NALCN: variants seen among roughly 807,000 people sequenced by gnomAD.
NALCN encodes the protein sodium leak channel, non-selective, also known as sodium leak channel NALCN.
NALCN carries 111 observed loss-of-function variants against 225.3 expected under a neutral mutation model. That is an observed-to-expected ratio of 0.49 (90% CI 0.42 to 0.58). The LOEUF (loss-of-function observed/expected upper bound fraction) is 0.58, where lower values mean the gene tolerates loss of function less well. NALCN is among the 20% of genes least tolerant of loss of function. The pLI, the probability that NALCN is intolerant of heterozygous loss-of-function variation, is 0.00. For synonymous variants in NALCN, 764 were observed against 769.0 expected, an observed-to-expected ratio of 0.99 and a Z score of 0.11; for missense variants, 1,378 against 2,202.4, an observed-to-expected ratio of 0.63 and a Z score of 7.49.
intron 17 of NALCN, among the ~76,000 whole-genome samples, chr13:101,142,510 G>C (rs959313667): frequency 3.3e-5 from 5 of 151,910 alleles, no homozygotes; most frequent in Admixed American, 2.0e-4. Flanking sequence ...ACCTAAATTT[G>C]CTTTATTTAT....
intron 1 of NALCN, among the ~76,000 whole-genome samples, chr13:101,414,389 T>A (rs1000131367): frequency 2.0e-5 from 3 of 152,190 alleles, no homozygotes; most frequent in Non-Finnish European, 4.4e-5. Context: ...GAGGTGTAGA[T>A]GTGAATTTTC....
chr13:101,276,730 A>G (rs1373541425), intron 10 of NALCN, among the ~76,000 whole-genome samples: 1 of 152,176 alleles, frequency 6.6e-6, no homozygotes, highest in Non-Finnish European at 1.5e-5. Context: ...TTTTTTCTGT[A>G]GAAGAGTAAG....
intron 15 of NALCN, among the ~76,000 whole-genome samples, chr13:101,162,768 A>C (rs1013282474): frequency 6.6e-6 from 1 of 152,332 alleles, no homozygotes; most frequent in South Asian, 2.1e-4. Flanking sequence ...CTTCTTAACA[A>C]TTTTGTTCTC....
chr13:101,318,810 G>A (rs2044645479), intron 7 of NALCN, among the ~76,000 whole-genome samples: 1 of 152,108 alleles, frequency 6.6e-6, no homozygotes, highest in African/African-American at 2.4e-5. Flanking sequence ...TAAGCATGAT[G>A]TATTTTTAGA....
chr13:101,094,143 G>C (rs1290772134), intron 28 of NALCN, among the ~76,000 whole-genome samples: 3 of 152,152 alleles, frequency 2.0e-5, no homozygotes, highest in Admixed American at 6.5e-5. Context: ...CCTTTGGAGG[G>C]GGGTACCCTT....
At chr13:101,118,601 A>G (rs2035826802) in intron 18 of NALCN, among the ~76,000 whole-genome samples, 1 of 152,152 alleles carries the variant, frequency 6.6e-6, no homozygotes, top group Non-Finnish European at 1.5e-5. Flanking sequence ...CTTTCAACTA[A>G]CTTATCAGAG....
At chr13:101,286,971 GT>G (rs779825406) in intron 9 of NALCN, among the ~76,000 whole-genome samples, 8 of 151,688 alleles carry the variant, frequency 5.3e-5, no homozygotes, top group Non-Finnish European at 8.8e-5. Flanking sequence ...CATCAATAAA[GT>G]TCAATTCTTA....
At chr13:101,237,137 T>G (rs1361479416) in intron 12 of NALCN, among the ~76,000 whole-genome samples, 1 of 151,856 alleles carries the variant, frequency 6.6e-6, no homozygotes, top group Non-Finnish European at 1.5e-5. Context: ...ATAATTACTG[T>G]TTATTGCATA....
rs9518313 is a variant in NALCN at position 101,124,694 on chromosome 13, A to G, written c.2119-13T>C. ...CAGACTTGCGAAGCTGAAAATGATA[A>G]GAGTATGACTTTTAGTTTTGGAATG... On this transcript the variant is annotated splice_polypyrimidine_tract_variant and intron_variant, in intron 17 of 43. Coordinates refer to ENST00000251127, the MANE Select transcript of NALCN (RefSeq NM_052867.4). The G allele has an allele frequency of 2.5e-3, 4,099 of 1,610,674 alleles. 10 individuals are homozygous for G. Among genetic ancestry groups the G allele is most frequent in the Non-Finnish European group, 3.0e-3 (3,505 of 1,178,132 alleles).
At chr13:101,259,732 G>GTATATATATATATATATATA (rs35199456) in intron 10 of NALCN, among the ~76,000 whole-genome samples, 117 of 119,364 alleles carry the variant, frequency 9.8e-4, no homozygotes, top group East Asian at 2.6e-3. Context: ...CATAGTAAGT[G>GTATATATATATATATATATA]TATATATATA....
At chr13:101,114,477 C>T (rs1193883773) in intron 18 of NALCN, among the ~76,000 whole-genome samples, 3 of 151,824 alleles carry the variant, frequency 2.0e-5, no homozygotes, top group African/African-American at 7.3e-5. Flanking sequence ...TCCCATCTTG[C>T]TTGCTTGCCC....
At position 101,100,834 on chromosome 13, in the gene NALCN, G is replaced by T. The variant is rs771741587; in HGVS notation, c.3112C>A (p.Leu1038Ile). 2 of 1,612,152 alleles carry T rather than the reference G, an allele frequency of 1.2e-6. No homozygotes were observed. Among genetic ancestry groups the T allele is most frequent in the Non-Finnish European group, 8.5e-7 (1 of 1,179,038 alleles). Residue 1038 changes from leucine (L) to isoleucine (I), a missense_variant, in exon 27 of 44, where the codon CTT (leucine) becomes ATT (isoleucine). By Grantham distance (5) the Leu-to-Ile change is conservative. Coordinates refer to ENST00000251127, the MANE Select transcript of NALCN (RefSeq NM_052867.4). Reference protein sequence around the residue: ...MLVFASFGVQLFAGKLAKCND... With the variant: ...MLVFASFGVQIFAGKLAKCND... ...CACTTGGCCAGTTTTCCAGCAAAAA[G>T]CTGAACTCCAAAGCTTGCAAAAACG...
rs2045767253 is a variant in NALCN, at chr13:101,347,163, A to ACACC, written c.645-1747_645-1744dup. The stretch of plus-strand genomic sequence containing the variant: ...TTTACACACACACACACACACACAC[A>ACACC]CACCCCATGGCTGGTGATACTTTGC... On this transcript the variant is annotated intron_variant, in intron 6 of 43. Transcript: ENST00000251127. Among the ~76,000 whole-genome samples the ACACC allele has an allele frequency of 7.2e-5, 11 of 151,770 alleles. No homozygotes were observed. The South Asian group carries it at 2.3e-3, about 32-fold the overall frequency.
At position 101,342,143 on chromosome 13, in the gene NALCN, GGTGT is replaced by G. The variant is rs903554291; in HGVS notation, c.799+3119_799+3122del. 3.2e-4 allele frequency among the ~76,000 whole-genome samples: 49 copies of G among 152,082 alleles called. 1 individual carries two copies. The highest frequency in any genetic ancestry group is 1.2e-3 in the African/African-American group (48 of 41,388). ...TGGAATTGAAGGTTTTTATAATACA[GGTGT>G]GTGTGTGTCTATGTGTGTATTTCTT... On this transcript the variant is annotated intron_variant, in intron 7 of 43. Coordinates refer to ENST00000251127, the MANE Select transcript of NALCN (RefSeq NM_052867.4).
intron 10 of NALCN, among the ~76,000 whole-genome samples, chr13:101,259,980 A>G (rs1261809361): frequency 6.6e-6 from 1 of 150,692 alleles, no homozygotes; most frequent in East Asian, 2.0e-4. Flanking sequence ...TATTCTTTCT[A>G]TTTTTTTTGT....
intron 15 of NALCN, among the ~76,000 whole-genome samples, chr13:101,175,539 G>C (rs1412815830): frequency 6.6e-6 from 1 of 152,166 alleles, no homozygotes; most frequent in African/African-American, 2.4e-5. Context: ...CAGTTGGGTA[G>C]AGTTTGGTAG....
chr13:101,391,233 C>T (rs1458382279), intron 3 of NALCN, among the ~76,000 whole-genome samples: 1 of 151,622 alleles, frequency 6.6e-6, no homozygotes, highest in African/African-American at 2.4e-5. Flanking sequence ...ATCAAAATAA[C>T]AAAAAAATAC....
At chr13:101,072,889 C>G (rs924346606) in intron 37 of NALCN, among the ~76,000 whole-genome samples, 1 of 152,124 alleles carries the variant, frequency 6.6e-6, no homozygotes, top group Non-Finnish European at 1.5e-5. Flanking sequence ...TAGTGGCTCC[C>G]GAATTGGACA....
chr13:101,392,723 C>A (rs2047180834), intron 3 of NALCN, among the ~76,000 whole-genome samples: 1 of 152,088 alleles, frequency 6.6e-6, no homozygotes, highest in African/African-American at 2.4e-5. Flanking sequence ...AAAGACAAAT[C>A]TTTCTTTATT....
Sources: gnomAD v4.1 joint callset for allele counts (sites outside exome capture counted in the v4.1 genomes callset) on GRCh38, gnomAD v4.1.1 for gene constraint, MANE v1.5 for transcripts, NCBI Gene and HGNC (gene_info 2026-07-23, HGNC 2026-07-21) for gene names.